The following PCCA variants were observed in gnomAD, a reference collection of about 807,000 sequenced individuals.
The protein encoded by PCCA is propionyl-CoA carboxylase alpha chain, mitochondrial.
PCCA carries 74 observed loss-of-function variants against 101.3 expected under a neutral mutation model. The ratio of observed to expected loss-of-function variants is 0.73; its 90% CI spans 0.61 to 0.89. PCCA has a LOEUF of 0.89. PCCA is among the 40% of genes least tolerant of loss of function. The pLI, the probability that PCCA is intolerant of heterozygous loss-of-function variation, is 0.00. For missense variants in PCCA, 891 were observed against 907.0 expected (o/e 0.98, Z 0.23); for synonymous variants, 294 against 313.6 (o/e 0.94, Z 0.66).
chr13:100,121,718 C>T (rs1325372418), intron 4 of PCCA, among the ~76,000 whole-genome samples: 1 of 152,116 alleles, frequency 6.6e-6, no homozygotes, highest in Non-Finnish European at 1.5e-5. Flanking sequence ...TTGTGATCTG[C>T]CCACCTCAGC....
At chr13:100,342,056 C>T (rs533317920) in intron 18 of PCCA, among the ~76,000 whole-genome samples, 1 of 148,892 alleles carries the variant, frequency 6.7e-6, no homozygotes. Flanking sequence ...TAATTAGAGT[C>T]ATAAACCTGG....
At position 100,089,166 on chromosome 13, in the gene PCCA, C is replaced by T. The variant is rs1374827963; in HGVS notation, c.46C>T (p.Arg16Trp). The T allele has an allele frequency of 2.0e-6, 3 of 1,527,178 alleles. No individual in the cohort carries two copies. Among genetic ancestry groups the T allele is most frequent in the South Asian group, 2.5e-5 (2 of 80,168 alleles). 94.6% of individuals were successfully genotyped at this position (1,527,178 alleles called of 1,614,324 possible). A position where few individuals can be genotyped will look rare whatever the true frequency, so the allele number is the denominator to read the frequency against. ...GACAGCACCGCTGGTCGCTGCCGGA[C>T]GGCGTGGGCGGTGGCCGCCGCAGCA... The part of the protein sequence containing the change: ...VGTAPLVAAG[R>W]RGRWPPQQLM... Residue 16 changes from arginine to tryptophan, a missense_variant, in exon 1 of 24, where the codon CGG (arginine) becomes TGG (tryptophan). Arg to Trp is a moderately radical substitution (Grantham distance 101, BLOSUM62 -3). Coordinates refer to ENST00000376285, the MANE Select transcript of PCCA (RefSeq NM_000282.4).
intron 4 of PCCA, among the ~76,000 whole-genome samples, chr13:100,120,928 A>G (rs2049308053): frequency 1.3e-5 from 2 of 152,150 alleles, no homozygotes; most frequent in Admixed American, 1.3e-4. Context: ...AAGTCTTCCT[A>G]TCCATGAACA....
At chr13:100,508,945 C>T (rs756556264) in intron 21 of PCCA, among the ~76,000 whole-genome samples, 4 of 151,900 alleles carry the variant, frequency 2.6e-5, no homozygotes, top group South Asian at 2.1e-4. Context: ...CTTGCAGTTG[C>T]GATCCAGGTG....
chr13:100,292,934 C>CGTGTGTGTGTGTGTGT (rs36098330), intron 12 of PCCA, among the ~76,000 whole-genome samples: 3,479 of 147,612 alleles, frequency 0.024, 53 homozygotes, highest in Middle Eastern at 0.068. Context: ...TTTCCAAATT[C>CGTGTGTGTGTGTGTGT]GTGTGTGTGT....
chr13:100,520,705 G>A (rs1002630406), intron 22 of PCCA, among the ~76,000 whole-genome samples: 22 of 151,506 alleles, frequency 1.5e-4, no homozygotes, highest in African/African-American at 5.1e-4. Context: ...TAGATAAGAG[G>A]AGGCAGAAAA....
chr13:100,208,872 T>C (rs954353530), intron 6 of PCCA, among the ~76,000 whole-genome samples: 2 of 152,230 alleles, frequency 1.3e-5, no homozygotes, highest in African/African-American at 4.8e-5. Context: ...GATATCCTGT[T>C]GTCTTCATCC....
intron 2 of PCCA, among the ~76,000 whole-genome samples, chr13:100,107,843 A>G (rs1272043381): frequency 1.3e-5 from 2 of 152,372 alleles, no homozygotes; most frequent in African/African-American, 2.4e-5. Flanking sequence ...CCTGCTGTAT[A>G]CAAAACGTGT....
At chr13:100,452,271 C>A (rs938659600) in intron 21 of PCCA, among the ~76,000 whole-genome samples, 1 of 151,824 alleles carries the variant, frequency 6.6e-6, no homozygotes, top group Non-Finnish European at 1.5e-5. Context: ...GTCTCTGTCT[C>A]TGTGTCCCCA....
At chr13:100,440,554 T>C (rs1425467484) in intron 20 of PCCA, among the ~76,000 whole-genome samples, 1 of 152,056 alleles carries the variant, frequency 6.6e-6, no homozygotes, top group Non-Finnish European at 1.5e-5. Flanking sequence ...ATTAATATTT[T>C]AATTAGAAAA....
In PCCA at chr13:100,501,871, C is replaced by CTAAATAAATAAATAAATAAATAAA. The variant is rs554849408; in HGVS notation, c.1900-13555_1900-13554insAAATAAATAAATAAATAAATAAAT. ...CCTGGGCAACAGAGGGACACTCCTT[C>CTAAATAAATAAATAAATAAATAAA]TCAATAAATAAATAAATAAATAAAT... is the stretch of plus-strand genomic sequence containing the variant. On this transcript the variant is annotated intron_variant, in intron 21 of 23. Coordinates refer to ENST00000376285, the MANE Select transcript of PCCA (RefSeq NM_000282.4). Among the ~76,000 whole-genome samples, 26 of 140,702 alleles carry CTAAATAAATAAATAAATAAATAAA rather than the reference C, an allele frequency of 1.8e-4. No homozygotes were observed. In the East Asian group the frequency reaches 2.1e-3, roughly 11 times the overall value. The allele number at this position is 140,702 out of a possible 152,430, so 92.3% of individuals were successfully genotyped here.
At chr13:100,359,177 A>C (rs149001393) in intron 18 of PCCA, among the ~76,000 whole-genome samples, 1 of 152,048 alleles carries the variant, frequency 6.6e-6, no homozygotes, top group African/African-American at 2.4e-5. Flanking sequence ...TGTGGGCACT[A>C]TAAGTTATCA....
intron 20 of PCCA, among the ~76,000 whole-genome samples, chr13:100,428,169 C>T (rs909847438): frequency 3.9e-5 from 6 of 152,038 alleles, no homozygotes; most frequent in Admixed American, 1.3e-4. Context: ...CAGGCTCCAG[C>T]GATCCTCCCA....
intron 4 of PCCA, among the ~76,000 whole-genome samples, chr13:100,120,158 C>T (rs1031782995): frequency 6.6e-6 from 1 of 151,346 alleles, no homozygotes; most frequent in Admixed American, 6.6e-5. Context: ...CCACCATGCC[C>T]AGCCAGATTT....
intron 8 of PCCA, among the ~76,000 whole-genome samples, chr13:100,248,189 T>C (rs1594919444): frequency 1.3e-5 from 2 of 152,242 alleles, no homozygotes. Flanking sequence ...CATTTATATT[T>C]ATTGTATTTA....
intron 16 of PCCA, among the ~76,000 whole-genome samples, chr13:100,310,693 A>G (rs1406952225): frequency 6.6e-6 from 1 of 152,088 alleles, no homozygotes; most frequent in African/African-American, 2.4e-5. Flanking sequence ...TTTTCCCACT[A>G]ATTTGCTTAC....
rs1201120638 is a variant in PCCA, at chr13:100,268,782, A to G, written c.913A>G (p.Ser305Gly). The G allele has an allele frequency of 3.7e-6, 6 of 1,605,414 alleles. No homozygotes were observed. The highest frequency in any genetic ancestry group is 5.1e-6 in the Non-Finnish European group (6 of 1,172,084). The change falls in exon 11 of 24, where the codon AGC becomes GGC. Residue 305 changes from serine to glycine, a missense_variant and splice_region_variant. Coordinates refer to ENST00000376285, the MANE Select transcript of PCCA (RefSeq NM_000282.4). The part of the protein sequence containing the change: ...RNQKVVEEAP[S>G]IFLDAETRRA... ...TCAGAAGGTGGTGGAGGAAGCACCA[A>G]GGTAAGTCTCCTAAGAAACATTTAT...
intron 6 of PCCA, among the ~76,000 whole-genome samples, chr13:100,193,733 G>A (rs1432198915): frequency 6.6e-6 from 1 of 152,156 alleles, no homozygotes; most frequent in Non-Finnish European, 1.5e-5. Flanking sequence ...TTAGCAGGTT[G>A]TAGGGTTTGA....
intron 12 of PCCA, among the ~76,000 whole-genome samples, chr13:100,291,293 TGTAC>T (rs2065099902): frequency 6.6e-6 from 1 of 152,018 alleles, no homozygotes; most frequent in Non-Finnish European, 1.5e-5. Context: ...AAAAGAAAAG[TGTAC>T]GGGATGATAT....
Sources: gnomAD v4.1 joint callset for allele counts (sites outside exome capture counted in the v4.1 genomes callset) on GRCh38, gnomAD v4.1.1 for gene constraint, MANE v1.5 for transcripts, NCBI Gene and HGNC (gene_info 2026-07-23, HGNC 2026-07-21) for gene names.